Variants in DOK3 observed in about 807,000 individuals in gnomAD.
DOK3 encodes the protein Dok-like protein.
A neutral mutation model predicts 26.2 loss-of-function variants in DOK3; 23 were observed. The ratio of observed to expected loss-of-function variants is 0.88; its 90% CI spans 0.63 to 1.24. The LOEUF is 1.24. Ranked by LOEUF, DOK3 falls within the 50% of genes most tolerant of loss-of-function variation. The probability of loss-of-function intolerance (pLI) is 0.00; values close to 1 mark genes in which losing one functional copy is unlikely to be tolerated. For missense variants in DOK3, 619 were observed against 610.6 expected, an observed-to-expected ratio of 1.01 and a Z score of -0.15; for synonymous variants, 268 against 268.2, an observed-to-expected ratio of 1.00 and a Z score of 0.01.
chr5:177,505,413 G>A (rs62398466), intron 3 of DOK3, among the ~76,000 whole-genome samples: 2,309 of 152,288 alleles, frequency 0.015, 35 homozygotes, highest in Non-Finnish European at 0.023. Flanking sequence ...GCCAGCTTCT[G>A]TATGTCTGAC....
chr5:177,509,678 A>C, intron 1 of DOK3, 21 bp from the exon 2 acceptor site: 4 of 1,592,768 alleles, frequency 2.5e-6, no homozygotes, highest in Non-Finnish European at 3.4e-6. Flanking sequence ...GGGGGAGGGG[A>C]GCCTGTCTTC....
chr5:177,505,645 A>G (rs925120109), intron 3 of DOK3, among the ~76,000 whole-genome samples: 1 of 151,374 alleles, frequency 6.6e-6, no homozygotes, highest in African/African-American at 2.4e-5. Context: ...GCTCCTGTCA[A>G]CTGCCTTTTT....
upstream of DOK3, chr5:177,509,901 G>T (rs1309607926): frequency 2.5e-6 from 4 of 1,602,614 alleles, no homozygotes; most frequent in Admixed American, 6.7e-5. Flanking sequence ...CGCACCCTGG[G>T]CCTGACACTC....
chr5:177,506,137 A>G (rs1269686278), intron 3 of DOK3, among the ~76,000 whole-genome samples: 2 of 151,964 alleles, frequency 1.3e-5, no homozygotes, highest in Non-Finnish European at 2.9e-5. Flanking sequence ...TATTTTTAGT[A>G]GAGACAGGGT....
At chr5:177,506,663 T>A (rs1297026143) in intron 3 of DOK3, among the ~76,000 whole-genome samples, 2 of 146,872 alleles carry the variant, frequency 1.4e-5, no homozygotes, top group Admixed American at 1.4e-4. Flanking sequence ...AAGTGTATCA[T>A]CAGTGCTCTT....
At position 177,502,009 on chromosome 5, in the gene DOK3, A is replaced by G. The variant is rs567644221; in HGVS notation, c.*1974T>C. ...TCTTTGTGTAGCAGGGTTGAGCTACACTACATCTGAGCCTAGGACCCTGGG... is the reference window on the plus strand; with the variant it reads ...TCTTTGTGTAGCAGGGTTGAGCTACGCTACATCTGAGCCTAGGACCCTGGG... On this transcript the variant is annotated 3_prime_UTR_variant, in exon 6 of 6. Coordinates refer to ENST00000510898, the MANE Select transcript of DOK3 (RefSeq NM_001308236.3). The G allele has an allele frequency of 1.3e-5, 2 of 152,368 alleles. No homozygotes were observed. The highest frequency in any genetic ancestry group is 3.9e-4 in the East Asian group (2 of 5,194). The allele number at this position is 152,368 out of a possible 1,614,324, so 9.4% of individuals were successfully genotyped here. A position where few individuals can be genotyped will look rare whatever the true frequency, so the allele number is the denominator to read the frequency against.
chr5:177,508,731 C>T, intron 2 of DOK3, 189 bp from the exon 3 acceptor site: 1 of 553,122 alleles, frequency 1.8e-6, no homozygotes, highest in South Asian at 3.2e-5. Context: ...AAATCCCAGC[C>T]CGCTCTTTCC....
Position 177,509,550 on chromosome 5 carries a change from C to A in DOK3, c.-10G>T. 1 of 1,610,210 alleles carries A rather than the reference C, an allele frequency of 6.2e-7. No homozygotes were observed. The highest frequency in any genetic ancestry group is 8.5e-7 in the Non-Finnish European group (1 of 1,178,176). On this transcript the variant is annotated 5_prime_UTR_variant, in exon 2 of 6. Transcript: ENST00000510898. ...TCTCCAGAGGGTCCATGGTCACGGC[C>A]AGGAGCAGGGCCGCCGCTTCAAGAC...
Position 177,503,592 on chromosome 5 carries a change from G to A in DOK3, c.*391C>T. 2 of 1,286,810 alleles carry A rather than the reference G, an allele frequency of 1.6e-6. No homozygotes were observed. Among genetic ancestry groups the A allele is most frequent in the Non-Finnish European group, 2.1e-6 (2 of 968,846 alleles). The allele number at this position is 1,286,810 out of a possible 1,614,324, so 79.7% of individuals were successfully genotyped here. On this transcript the variant is annotated 3_prime_UTR_variant, in exon 6 of 6. Transcript: ENST00000510898. ...TCCGCCTGCCTCTTCGTGTCACTCGGCCGTGCAGAGCAACATGGAGTCCTA... is the reference window on the plus strand; with the variant it reads ...TCCGCCTGCCTCTTCGTGTCACTCGACCGTGCAGAGCAACATGGAGTCCTA...
chr5:177,504,732 C>G lies in DOK3; in HGVS notation c.645+11G>C, dbSNP rs543715343. The G allele has an allele frequency of 8.7e-6, 14 of 1,614,024 alleles. No homozygotes were observed. The Admixed American group carries it at 2.2e-4, about 25-fold the overall frequency. On this transcript the variant is annotated intron_variant, in intron 5 of 5. Coordinates refer to ENST00000510898, the MANE Select transcript of DOK3 (RefSeq NM_001308236.3). ...GTCAGCCCCTCACCCTTTCCCACCC[C>G]TGCACCTCACCTTGTCGGAGCCGAA...
chr5:177,508,100 A>T, intron 3 of DOK3, 137 bp downstream of exon 3: 1 of 1,126,548 alleles, frequency 8.9e-7, no homozygotes, highest in Non-Finnish European at 1.2e-6. Flanking sequence ...CGGCCCTCTG[A>T]GAGTCATTAT....
intron 3 of DOK3, among the ~76,000 whole-genome samples, 159 bp from the exon 4 acceptor site, chr5:177,505,269 G>C (rs1012699415): frequency 6.6e-6 from 1 of 152,168 alleles, no homozygotes; most frequent in African/African-American, 2.4e-5. Flanking sequence ...GTCCCCTTCC[G>C]AGCCTGTTCT....
At chr5:177,505,650 CTTT>C (rs894798541) in intron 3 of DOK3, among the ~76,000 whole-genome samples, 3 of 151,622 alleles carry the variant, frequency 2.0e-5, no homozygotes, top group African/African-American at 7.3e-5. Flanking sequence ...TGTCAACTGC[CTTT>C]TTTTTTGACA....
chr5:177,510,870 A>C (rs1760872441), upstream of DOK3: 1 of 150,278 alleles, frequency 6.7e-6, no homozygotes, highest in South Asian at 2.1e-4. Context: ...CCATACATGC[A>C]AAGTGCCTGG....
rs1759403858 is a variant in DOK3 at position 177,502,021 on chromosome 5, C to G, written c.*1962G>C. On this transcript the variant is annotated 3_prime_UTR_variant, in exon 6 of 6. Transcript: ENST00000510898. ...AGGGTTGAGCTACACTACATCTGAG[C>G]CTAGGACCCTGGGAAGAACTCAGAG... 6.6e-6 allele frequency: 1 copy of G among 152,204 alleles called. No homozygotes were observed. Among genetic ancestry groups the G allele is most frequent in the South Asian group, 2.1e-4 (1 of 4,822 alleles). The allele number at this position is 152,204 out of a possible 1,614,324, so 9.4% of individuals were successfully genotyped here.
At position 177,508,230 on chromosome 5, in the gene DOK3, C is replaced by T. The variant is rs1002425691; in HGVS notation, c.372+7G>A. 2.0e-6 allele frequency: 3 copies of T among 1,479,728 alleles called. No individual in the cohort carries two copies. Among genetic ancestry groups the T allele is most frequent in the African/African-American group, 1.4e-5 (1 of 72,544 alleles). The allele number at this position is 1,479,728 out of a possible 1,614,324, so 91.7% of individuals were successfully genotyped here. A position where few individuals can be genotyped will look rare whatever the true frequency, so the allele number is the denominator to read the frequency against. Reference sequence around the variant, plus strand: ...AGCCCAATCGCCCCCCTGCTCGCCGCACTCACCGGGAAGGCCAGCTGGCAG... The same window carrying T: ...AGCCCAATCGCCCCCCTGCTCGCCGTACTCACCGGGAAGGCCAGCTGGCAG... On this transcript the variant is annotated splice_region_variant and intron_variant, in intron 3 of 5. Coordinates refer to ENST00000510898, the MANE Select transcript of DOK3 (RefSeq NM_001308236.3).
chr5:177,504,570 C>A lies in DOK3; in HGVS notation c.736G>T (p.Ala246Ser). The A allele has an allele frequency of 2.5e-6, 4 of 1,602,442 alleles. No homozygotes were observed. The highest frequency in any genetic ancestry group is 3.4e-6 in the Non-Finnish European group (4 of 1,176,294). Residue 246 changes from alanine (A) to serine (S), a missense_variant, in exon 6 of 6, where the codon GCT (alanine) becomes TCT (serine). Transcript: ENST00000510898. Reference sequence around the variant, plus strand: ...TGGCGGGCGATGGCCCCGGCCACAGCCCTGCACAGGTCAGGGGCACAGGGG... The same window carrying A: ...TGGCGGGCGATGGCCCCGGCCACAGACCTGCACAGGTCAGGGGCACAGGGG... ...STPCAPDLCRAVAGAIARQRE... is the reference protein window; with the variant it reads ...STPCAPDLCRSVAGAIARQRE...
Position 177,505,113 on chromosome 5 carries a change from G to A in DOK3, c.373-3C>T, listed in dbSNP as rs375410524. 7.9e-5 allele frequency: 126 copies of A among 1,602,294 alleles called. No individual in the cohort carries two copies. The highest frequency in any genetic ancestry group is 3.3e-4 in the South Asian group (30 of 89,566). On this transcript the variant is annotated splice_region_variant and splice_polypyrimidine_tract_variant and intron_variant, in intron 3 of 5. Transcript: ENST00000510898. ...CCTGAGGAGGCCTCCCCTGTCCCCT[G>A]GGGAATGAGTTCAAGTCAAAGGTGA...
At position 177,504,912 on chromosome 5, in the gene DOK3, C is replaced by T. The variant is rs569707070; in HGVS notation, c.476G>A (p.Gly159Asp). The change falls in exon 5 of 6, where the codon GGC becomes GAC. Residue 159 changes from glycine (G) to aspartate (D), a missense_variant. By Grantham distance (94) the Gly-to-Asp change is moderately conservative. Transcript: ENST00000510898. ...NSIYSSWQEV[G>D]EFPVVVQRTE... ...CCTCTGCACCACCACGGGAAACTCG[C>T]CCACTGTGGCAGGTGGCCAGGACAG... is the stretch of plus-strand genomic sequence containing the variant. The T allele has an allele frequency of 7.6e-6, 12 of 1,584,944 alleles. No individual in the cohort carries two copies. Among genetic ancestry groups the T allele is most frequent in the African/African-American group, 2.7e-5 (2 of 74,422 alleles).
Sources: allele counts gnomAD v4.1 joint callset (sites outside exome capture counted in the v4.1 genomes callset), GRCh38; gene constraint gnomAD v4.1.1; transcripts MANE v1.5; gene names NCBI Gene and HGNC (gene_info 2026-07-23, HGNC 2026-07-21).